MRPL1: variants seen among roughly 807,000 people sequenced by gnomAD.
MRPL1 encodes mitochondrial ribosomal protein L1, also known as large ribosomal subunit protein uL1m.
A neutral mutation model predicts 38.0 loss-of-function variants in MRPL1; 28 were observed. That is an observed-to-expected ratio of 0.74 (90% CI 0.55 to 1.01). The LOEUF is 1.01. Among genes scored for constraint, MRPL1 ranks in the 50% least tolerant of loss-of-function variants. The pLI is 0.00. For synonymous variants in MRPL1, 123 were observed against 126.7 expected, an observed-to-expected ratio of 0.97 and a Z score of 0.20; for missense variants, 358 against 389.8, an observed-to-expected ratio of 0.92 and a Z score of 0.69.
intron 4 of MRPL1, 50 bp from the exon 5 acceptor site, chr4:77,887,168 CTG>C: frequency 2.2e-6 from 3 of 1,338,994 alleles, no homozygotes; most frequent in Non-Finnish European, 3.2e-6. Context: ...TCAAAGCAGA[CTG>C]AATATATTTA....
chr4:77,896,931 C>T (rs1735928927), intron 6 of MRPL1, among the ~76,000 whole-genome samples: 2 of 152,048 alleles, frequency 1.3e-5, no homozygotes, highest in Admixed American at 1.3e-4. Context: ...TGCTTATCGT[C>T]TGGCTTCCTC....
At chr4:77,895,282 G>A (rs1735886617) in intron 6 of MRPL1, among the ~76,000 whole-genome samples, 1 of 152,070 alleles carries the variant, frequency 6.6e-6, no homozygotes, top group African/African-American at 2.4e-5. Flanking sequence ...TTTAAGCTAA[G>A]GTCTTCATAA....
At chr4:77,868,109 C>G (rs1735197876) in intron 1 of MRPL1, among the ~76,000 whole-genome samples, 1 of 151,926 alleles carries the variant, frequency 6.6e-6, no homozygotes, top group African/African-American at 2.4e-5. Flanking sequence ...GTTGCCTAGG[C>G]TGGAGTGCAG....
intron 7 of MRPL1, among the ~76,000 whole-genome samples, chr4:77,937,733 G>A (rs1453496159): frequency 6.6e-6 from 1 of 152,068 alleles, no homozygotes; most frequent in Non-Finnish European, 1.5e-5. Context: ...AGAATATAGG[G>A]TACTGAATGC....
At chr4:77,867,809 G>T (rs1456444039) in intron 1 of MRPL1, among the ~76,000 whole-genome samples, 8 of 146,648 alleles carry the variant, frequency 5.5e-5, no homozygotes, top group Admixed American at 4.9e-4. Flanking sequence ...CAGGCTAGAG[G>T]GCAGTGGCAC....
chr4:77,943,084 A>C (rs921085053), intron 7 of MRPL1, among the ~76,000 whole-genome samples: 1 of 152,082 alleles, frequency 6.6e-6, no homozygotes, highest in Non-Finnish European at 1.5e-5. Flanking sequence ...GTAGTGGCAA[A>C]TTCTCTCAGC....
intron 2 of MRPL1, among the ~76,000 whole-genome samples, chr4:77,872,139 A>T (rs1735294908): frequency 6.6e-6 from 1 of 152,206 alleles, no homozygotes; most frequent in South Asian, 2.1e-4. Flanking sequence ...CTGGTAGGTT[A>T]TATAACTAGC....
chr4:77,887,497 GTT>G (rs1425977197), intron 5 of MRPL1, among the ~76,000 whole-genome samples: 12 of 152,046 alleles, frequency 7.9e-5, no homozygotes, highest in Non-Finnish European at 1.6e-4. Context: ...GATTTTGTGT[GTT>G]TGTGTTTATT....
chr4:77,913,478 A>G (rs554359947), intron 7 of MRPL1, among the ~76,000 whole-genome samples: 1 of 152,336 alleles, frequency 6.6e-6, no homozygotes, highest in African/African-American at 2.4e-5. Context: ...GAATAAAGTT[A>G]AAAAGACTGG....
At chr4:77,912,651 A>G (rs1455641408) in intron 7 of MRPL1, among the ~76,000 whole-genome samples, 1 of 152,182 alleles carries the variant, frequency 6.6e-6, no homozygotes, top group Non-Finnish European at 1.5e-5. Context: ...CTATAGATTC[A>G]TAGCATTCTC....
rs113145772 is a variant in MRPL1 at position 77,926,581 on chromosome 4, A to G, written c.777+17209A>G. ...TGTGAGAACTATTTGACATGATTTA[A>G]GAATCATTCTTATAGTTTTTTTCTT... On this transcript the variant is annotated intron_variant, in intron 7 of 8. Transcript: ENST00000315567. 5.8e-4 allele frequency among the ~76,000 whole-genome samples: 88 copies of G among 151,372 alleles called. 1 individual carries two copies. The highest frequency in any genetic ancestry group is 2.0e-3 in the African/African-American group (83 of 41,232).
intron 1 of MRPL1, among the ~76,000 whole-genome samples, chr4:77,865,189 C>T (rs185225017): frequency 3.3e-5 from 5 of 152,100 alleles, no homozygotes; most frequent in East Asian, 1.9e-4. Flanking sequence ...CATGCCCAGC[C>T]GATTATTGTC....
chr4:77,935,616 G>C (rs982514503), intron 7 of MRPL1, among the ~76,000 whole-genome samples: 9 of 152,088 alleles, frequency 5.9e-5, no homozygotes, highest in Non-Finnish European at 4.4e-5. Context: ...GGCTGGTCTC[G>C]AACTCCTGAC....
chr4:77,922,299 A>G (rs1736599154), intron 7 of MRPL1, among the ~76,000 whole-genome samples: 1 of 152,234 alleles, frequency 6.6e-6, no homozygotes, highest in East Asian at 1.9e-4. Context: ...CAGAAGAAAC[A>G]GCAAATGCAA....
At chr4:77,919,295 TG>T (rs1736508237) in intron 7 of MRPL1, among the ~76,000 whole-genome samples, 1 of 152,176 alleles carries the variant, frequency 6.6e-6, no homozygotes, top group Admixed American at 6.5e-5. Context: ...GCCTTCAGCC[TG>T]CTTCTCCAGA....
chr4:77,931,297 C>G (rs1736838523), intron 7 of MRPL1, among the ~76,000 whole-genome samples: 1 of 152,220 alleles, frequency 6.6e-6, no homozygotes, highest in East Asian at 1.9e-4. Flanking sequence ...AACCACATTG[C>G]TAAAGCTAAA....
At chr4:77,879,584 C>T (rs1578040095) in intron 2 of MRPL1, among the ~76,000 whole-genome samples, 2 of 152,182 alleles carry the variant, frequency 1.3e-5, no homozygotes, top group East Asian at 1.9e-4. Context: ...AATTTAGTGG[C>T]GAATTCTGCA....
intron 7 of MRPL1, among the ~76,000 whole-genome samples, chr4:77,915,480 GTGGCTTGATC>G (rs1736401509): frequency 6.6e-6 from 1 of 152,140 alleles, no homozygotes; most frequent in Admixed American, 6.5e-5. Flanking sequence ...CTGGAGTACA[GTGGCTTGATC>G]TCAGCTCCCT....
chr4:77,927,133 T>G (rs555140612), intron 7 of MRPL1, among the ~76,000 whole-genome samples: 7 of 152,266 alleles, frequency 4.6e-5, no homozygotes, highest in Non-Finnish European at 1.0e-4. Context: ...ATGAAACCTA[T>G]CAGAAAATTA....
Sources: allele counts gnomAD v4.1 joint callset (sites outside exome capture counted in the v4.1 genomes callset), GRCh38; gene constraint gnomAD v4.1.1; transcripts MANE v1.5; gene names NCBI Gene and HGNC (gene_info 2026-07-23, HGNC 2026-07-21).